Variants in ERP44 observed in about 807,000 individuals in gnomAD.
ERP44 encodes the protein endoplasmic reticulum protein 44, also known as endoplasmic reticulum resident protein 44.
In ERP44, 25 loss-of-function variants were observed where a neutral mutation model predicts 53.4. The ratio of observed to expected loss-of-function variants is 0.47; its 90% confidence interval spans 0.34 to 0.65. The LOEUF (loss-of-function observed/expected upper bound fraction) is 0.65, where lower values mean the gene tolerates loss of function less well. ERP44 is among the 30% of genes least tolerant of loss of function. The pLI is 0.01. For missense variants in ERP44, 338 were observed against 493.2 expected (o/e 0.69, Z 2.98); for synonymous variants, 145 against 161.2 (o/e 0.90, Z 0.76).
intron 10 of ERP44, among the ~76,000 whole-genome samples, chr9:99,993,733 G>C (rs1047188201): frequency 6.6e-6 from 1 of 152,134 alleles, no homozygotes; most frequent in Non-Finnish European, 1.5e-5. Flanking sequence ...GCAACCTTAA[G>C]AATGGGAGAA....
At chr9:100,043,674 G>C (rs944145035) in intron 4 of ERP44, among the ~76,000 whole-genome samples, 1 of 151,930 alleles carries the variant, frequency 6.6e-6, no homozygotes, top group Non-Finnish European at 1.5e-5. Context: ...AGAATCGCTT[G>C]ACCACTGGAG....
intron 3 of ERP44, among the ~76,000 whole-genome samples, chr9:100,055,163 T>TA (rs1265746182): frequency 1.3e-5 from 2 of 151,862 alleles, no homozygotes; most frequent in Admixed American, 6.6e-5. Context: ...TTCTGAGCAT[T>TA]AAAAAAAACC....
chr9:100,020,835 T>G, intron 5 of ERP44, 104 bp from the exon 6 acceptor site: 1 of 613,700 alleles, frequency 1.6e-6, no homozygotes, highest in South Asian at 2.1e-5. Flanking sequence ...CAGTCATTGT[T>G]CAAATGAAGT....
At chr9:100,025,831 C>T (rs1346762369) in intron 4 of ERP44, among the ~76,000 whole-genome samples, 3 of 152,066 alleles carry the variant, frequency 2.0e-5, no homozygotes, top group Admixed American at 6.5e-5. Flanking sequence ...TCATTACTTG[C>T]AGGTGTTTTT....
In ERP44 at chr9:100,087,345, C is replaced by T. The variant is rs534548483; in HGVS notation, c.57+11439G>A. ...AATGTAATTATTAGGATAAGAAGAC[C>T]ACAGACCACAAAGGCCGGAAGCTGG... On this transcript the variant is annotated intron_variant, in intron 1 of 11. Coordinates refer to ENST00000262455, the MANE Select transcript of ERP44 (RefSeq NM_015051.3). Among the ~76,000 whole-genome samples the T allele has an allele frequency of 2.6e-5, 4 of 152,154 alleles. No individual in the cohort carries two copies. In the East Asian group the frequency reaches 7.7e-4, roughly 29 times the overall value.
At position 99,982,698 on chromosome 9, in the gene ERP44, C is replaced by G; in HGVS notation, c.1135G>C (p.Ala379Pro). The change falls in exon 12 of 12, where the codon GCA becomes CCA. Residue 379 changes from alanine (A) to proline (P), a missense_variant. By Grantham distance (27) the Ala-to-Pro change is conservative. Around this residue, in one of 3 missense-constraint regions of ERP44, gnomAD observed 113 missense variants for 172.6 expected, o/e 0.65. Coordinates refer to ENST00000262455, the MANE Select transcript of ERP44 (RefSeq NM_015051.3). ...AAGGAGCTCTCAGGTGGACTGCTTG[C>G]TACATCTTGGGCTTGCTACAAAAGA... ...TAPGEQAQDV[A>P]SSPPESSFQK... 1 of 1,607,162 alleles carries G rather than the reference C, an allele frequency of 6.2e-7. No individual in the cohort carries two copies. The highest frequency in any genetic ancestry group is 8.5e-7 in the Non-Finnish European group (1 of 1,177,444).
chr9:100,098,636 G>A, intron 1 of ERP44, 148 bp downstream of exon 1: 2 of 614,204 alleles, frequency 3.3e-6, no homozygotes, highest in Non-Finnish European at 5.7e-6. Flanking sequence ...AAGCCGACAG[G>A]CGAGAGTGAG....
intron 1 of ERP44, among the ~76,000 whole-genome samples, chr9:100,067,785 G>T (rs1826236448): frequency 6.6e-6 from 1 of 151,996 alleles, no homozygotes. Flanking sequence ...TGGGAAGTGA[G>T]GAGCGTCTCT....
chr9:100,045,825 A>G (rs1165945241), intron 4 of ERP44, among the ~76,000 whole-genome samples: 1 of 152,198 alleles, frequency 6.6e-6, no homozygotes, highest in African/African-American at 2.4e-5. Flanking sequence ...GAAGCTTCTT[A>G]CAGATCTTCT....
intron 10 of ERP44, chr9:99,998,794 C>T (rs1271243909): frequency 1.1e-6 from 1 of 942,480 alleles, no homozygotes; most frequent in Non-Finnish European, 1.7e-6. Flanking sequence ...CTTCTCGCTT[C>T]TCTTCTCGAA....
At chr9:100,010,826 G>T (rs1321840418) in intron 8 of ERP44, among the ~76,000 whole-genome samples, 1 of 151,604 alleles carries the variant, frequency 6.6e-6, no homozygotes, top group Non-Finnish European at 1.5e-5. Flanking sequence ...CCTTGAACCT[G>T]GGGGGCAGAG....
At chr9:100,046,136 G>T (rs1825964854) in intron 4 of ERP44, among the ~76,000 whole-genome samples, 1 of 151,794 alleles carries the variant, frequency 6.6e-6, no homozygotes, top group Non-Finnish European at 1.5e-5. Flanking sequence ...CTTACTGAGA[G>T]ATCTCACAAA....
chr9:100,077,426 C>T (rs1826370571), intron 1 of ERP44, among the ~76,000 whole-genome samples: 1 of 152,142 alleles, frequency 6.6e-6, no homozygotes, highest in South Asian at 2.1e-4. Flanking sequence ...TTGCAGGGCT[C>T]GGGCAAAGTT....
chr9:100,030,381 A>G (rs1272569640), intron 4 of ERP44, among the ~76,000 whole-genome samples: 1 of 152,116 alleles, frequency 6.6e-6, no homozygotes, highest in Non-Finnish European at 1.5e-5. Flanking sequence ...AACTCTGGGT[A>G]AGTAGTGGGG....
At chr9:100,001,664 G>A (rs1315901147) in intron 10 of ERP44, among the ~76,000 whole-genome samples, 14 of 151,954 alleles carry the variant, frequency 9.2e-5, no homozygotes, top group Non-Finnish European at 1.2e-4. Context: ...CATATGTCCC[G>A]AATATCTGTT....
chr9:100,084,635 T>C (rs964836889), intron 1 of ERP44, among the ~76,000 whole-genome samples: 2 of 152,176 alleles, frequency 1.3e-5, no homozygotes, highest in Non-Finnish European at 2.9e-5. Context: ...ACAACCTGAA[T>C]AAAAGTGCAT....
At chr9:100,087,734 T>C (rs927226145) in intron 1 of ERP44, among the ~76,000 whole-genome samples, 1 of 152,204 alleles carries the variant, frequency 6.6e-6, no homozygotes, top group African/African-American at 2.4e-5. Flanking sequence ...TTTCTTTCTA[T>C]ATTTCTATGA....
At chr9:100,011,587 T>TG (rs769280531) in intron 8 of ERP44, among the ~76,000 whole-genome samples, 37 of 152,218 alleles carry the variant, frequency 2.4e-4, no homozygotes, top group Admixed American at 4.6e-4. Flanking sequence ...CAGTGTGTCA[T>TG]GGGGGGTAAT....
At chr9:100,021,200 G>A (rs574032374) in intron 5 of ERP44, among the ~76,000 whole-genome samples, 2 of 152,164 alleles carry the variant, frequency 1.3e-5, no homozygotes, top group African/African-American at 2.4e-5. Flanking sequence ...CGAGCAACAC[G>A]GAAATACGAG....
Sources: gnomAD v4.1 joint callset for allele counts (sites outside exome capture counted in the v4.1 genomes callset) on GRCh38, gnomAD v4.1.1 for gene constraint, gnomAD v4.1.1 regional missense constraint, MANE v1.5 for transcripts, NCBI Gene and HGNC (gene_info 2026-07-23, HGNC 2026-07-21) for gene names.